Variants in PYY observed in about 807,000 individuals in gnomAD.
PYY encodes peptide YY, also known as peptide tyrosine tyrosine.
Under a neutral mutation model 10.3 loss-of-function variants are expected in PYY, and 12 were observed. That is an observed-to-expected ratio of 1.17 (90% CI 0.75 to 1.89). The LOEUF (loss-of-function observed/expected upper bound fraction) is 1.89. Among genes scored for constraint, PYY ranks in the 40% most tolerant of loss-of-function variants. PYY has a pLI of 0.00. For synonymous variants in PYY, 66 were observed against 62.0 expected (o/e 1.06, Z -0.30); for missense variants, 141 against 134.0 (o/e 1.05, Z -0.26).
chr17:43,963,813 CA>C lies in PYY; in HGVS notation c.-218+2474del, dbSNP rs34095430. Among the ~76,000 whole-genome samples the C allele has an allele frequency of 8.7e-3, 1,283 of 147,478 alleles. 17 individuals are homozygous for C. The highest frequency in any genetic ancestry group is 0.03 in the African/African-American group (1,195 of 39,772). ...AGAGACCCTATTTCTACCAAAAATA[CA>C]AAAAAAAAAATTCTGATATGGATGG... On this transcript the variant is annotated intron_variant, in intron 2 of 6. Coordinates refer to the PYY transcript ENST00000360085.
At chr17:44,002,727 C>T (rs1478645948) in intron 1 of PYY, among the ~76,000 whole-genome samples, 1 of 152,204 alleles carries the variant, frequency 6.6e-6, no homozygotes, top group East Asian at 1.9e-4. Context: ...CCCTGATCCT[C>T]ACATATTTCT....
intron 1 of PYY, among the ~76,000 whole-genome samples, chr17:43,977,945 A>G (rs1173794605): frequency 6.6e-6 from 1 of 152,180 alleles, no homozygotes; most frequent in Non-Finnish European, 1.5e-5. Flanking sequence ...CACACCTGTA[A>G]TCCCAGCATC....
chr17:43,980,796 T>G (rs1351108705), intron 1 of PYY, among the ~76,000 whole-genome samples: 2 of 152,160 alleles, frequency 1.3e-5, no homozygotes, highest in East Asian at 3.8e-4. Context: ...TAGGTTCAGT[T>G]TCTTCTGCTC....
In PYY at chr17:43,953,126, G is replaced by A. The variant is rs751967152; in HGVS notation, c.252C>T (p.Asp84=). 5 of 1,613,986 alleles carry A rather than the reference G, an allele frequency of 3.1e-6. No individual in the cohort carries two copies. The highest frequency in any genetic ancestry group is 2.2e-5 in the East Asian group (1 of 44,866). ...GCTTTTACCGCGACCTGACGGGGCG[G>A]TCCTCGCCGTCGGGGAAGAACGTTT... ...LSKTFFPDGE[D]RPVRSRSEGP... Residue 84 remains aspartate, a synonymous_variant, in exon 3 of 4, where the codon GAC becomes GAT. Transcript: ENST00000692052.
chr17:43,952,771 G>T lies in PYY; in HGVS notation c.*185C>A. On this transcript the variant is annotated 3_prime_UTR_variant, in exon 4 of 4. Coordinates refer to ENST00000692052, the MANE Select transcript of PYY (RefSeq NM_001394028.1). ...GAATTTGCTCTTTATTTTGGGACCA[G>T]GGAAGGACCACACACAGCCCTCCAG... The T allele has an allele frequency of 1.8e-6, 1 of 560,234 alleles. No individual in the cohort carries two copies. The highest frequency in any genetic ancestry group is 3.1e-6 in the Non-Finnish European group (1 of 327,376). The allele number at this position is 560,234 out of a possible 1,614,324, so 34.7% of individuals were successfully genotyped here.
chr17:43,981,709 C>G (rs1433204343), intron 1 of PYY, among the ~76,000 whole-genome samples: 1 of 152,012 alleles, frequency 6.6e-6, no homozygotes, highest in Non-Finnish European at 1.5e-5. Flanking sequence ...AGGTTGGTCT[C>G]GAACTCCTGA....
intron 1 of PYY, among the ~76,000 whole-genome samples, chr17:44,002,370 G>A (rs1205125689): frequency 2.6e-5 from 4 of 152,198 alleles, no homozygotes; most frequent in Admixed American, 1.3e-4. Flanking sequence ...ACAAAACCAC[G>A]TGCAAGAAAG....
At chr17:43,968,289 C>G (rs1045972557) in intron 1 of PYY, among the ~76,000 whole-genome samples, 6 of 152,052 alleles carry the variant, frequency 3.9e-5, no homozygotes, top group African/African-American at 1.2e-4. Flanking sequence ...GCCACCTGGC[C>G]CTGAACACGG....
At chr17:43,957,351 T>C (rs1373419321), upstream of PYY, among the ~76,000 whole-genome samples, 2 of 150,944 alleles carry the variant, frequency 1.3e-5, no homozygotes, top group Non-Finnish European at 3.0e-5. Context: ...TGACAGGAAA[T>C]AGAAAATAAA....
intron 1 of PYY, among the ~76,000 whole-genome samples, chr17:43,976,316 CACATATACAT>C (rs2048844393): frequency 6.8e-6 from 1 of 146,528 alleles, no homozygotes; most frequent in African/African-American, 2.5e-5. Context: ...TACGTATATA[CACATATACAT>C]GTATACATAT....
At chr17:43,984,577 C>T (rs995032684) in intron 1 of PYY, among the ~76,000 whole-genome samples, 1 of 152,234 alleles carries the variant, frequency 6.6e-6, no homozygotes, top group African/African-American at 2.4e-5. Context: ...TTAGGGCTTG[C>T]AGCTGGCCAG....
At chr17:43,960,787 T>C (rs928327071) in intron 2 of PYY, among the ~76,000 whole-genome samples, 2 of 151,274 alleles carry the variant, frequency 1.3e-5, no homozygotes, top group African/African-American at 4.9e-5. Context: ...GAGGCGGGGA[T>C]TGCAGTGAGC....
chr17:43,956,960 G>A (rs1389761368), upstream of PYY, among the ~76,000 whole-genome samples: 1 of 152,160 alleles, frequency 6.6e-6, no homozygotes, highest in Non-Finnish European at 1.5e-5. Context: ...AGCACTTTGG[G>A]AGGCCAAGGT....
chr17:43,957,144 G>T (rs947706323), upstream of PYY, among the ~76,000 whole-genome samples: 3 of 148,738 alleles, frequency 2.0e-5, no homozygotes, highest in African/African-American at 7.5e-5. Context: ...GTTGCAGTGA[G>T]CCAAGATCGC....
At chr17:43,975,791 C>T (rs58865536) in intron 1 of PYY, among the ~76,000 whole-genome samples, 2,050 of 8,112 alleles carry the variant, frequency 0.25, 661 homozygotes, top group East Asian at 0.95. Flanking sequence ...TACACGTGTA[C>T]ATACACGTGT....
chr17:43,960,513 C>T (rs559046064), intron 2 of PYY, among the ~76,000 whole-genome samples: 4 of 102,076 alleles, frequency 3.9e-5, no homozygotes, highest in South Asian at 7.4e-4. Flanking sequence ...GCCCGAGGGA[C>T]GAGAGTGAGA....
chr17:43,975,755 C>A lies in PYY; in HGVS notation c.-462-9223G>T. Among the ~76,000 whole-genome samples, 2 of 143,818 alleles carry A rather than the reference C, an allele frequency of 1.4e-5. 1 individual carries two copies. The highest frequency in any genetic ancestry group is 3.0e-5 in the Non-Finnish European group (2 of 66,304). 94.4% of individuals were successfully genotyped at this position (143,818 alleles called of 152,430 possible). A position where few individuals can be genotyped will look rare whatever the true frequency, so the allele number is the denominator to read the frequency against. ...ATATATATATATATATACACACACACACACATATATATATACACACATATA... is the reference window on the plus strand; with the variant it reads ...ATATATATATATATATACACACACAAACACATATATATATACACACATATA... On this transcript the variant is annotated intron_variant, in intron 1 of 6. Transcript: ENST00000360085.
intron 1 of PYY, among the ~76,000 whole-genome samples, chr17:43,993,010 G>C (rs1413828000): frequency 6.6e-6 from 1 of 152,154 alleles, no homozygotes; most frequent in Non-Finnish European, 1.5e-5. Flanking sequence ...AATGAATACA[G>C]AAAGTAATAT....
intron 1 of PYY, among the ~76,000 whole-genome samples, chr17:44,002,563 A>G (rs2049035715): frequency 6.6e-6 from 1 of 152,210 alleles, no homozygotes; most frequent in Admixed American, 6.5e-5. Flanking sequence ...TGCAGCTGAC[A>G]GTGCCCAGCA....
Sources: allele counts gnomAD v4.1 joint callset (sites outside exome capture counted in the v4.1 genomes callset), GRCh38; gene constraint gnomAD v4.1.1; transcripts MANE v1.5; gene names NCBI Gene and HGNC (gene_info 2026-07-23, HGNC 2026-07-21).